The following PDE1A variants were observed in gnomAD, a reference collection of about 807,000 sequenced individuals.
PDE1A encodes the protein phosphodiesterase 1A.
Under a neutral mutation model 61.7 loss-of-function variants are expected in PDE1A, and 35 were observed. The ratio of observed to expected loss-of-function variants is 0.57; its 90% CI spans 0.43 to 0.75. The LOEUF (loss-of-function observed/expected upper bound fraction) is 0.75. PDE1A is among the 30% of genes least tolerant of loss of function. The pLI, the probability that PDE1A is intolerant of heterozygous loss-of-function variation, is 0.00. For missense variants in PDE1A, 597 were observed against 630.6 expected (o/e 0.95, Z 0.57); for synonymous variants, 232 against 213.2 (o/e 1.09, Z -0.77).
intron 11 of PDE1A, among the ~76,000 whole-genome samples, chr2:182,187,618 T>C (rs1166727059): frequency 1.3e-5 from 2 of 152,126 alleles, no homozygotes; most frequent in African/African-American, 4.8e-5. Context: ...TTATAGTATA[T>C]AATAAGGCAC....
At chr2:182,412,392 C>A (rs752407222) in intron 1 of PDE1A, among the ~76,000 whole-genome samples, 1 of 152,134 alleles carries the variant, frequency 6.6e-6, no homozygotes. Flanking sequence ...AAGTGGACCT[C>A]GCTTTGACTC....
chr2:182,344,440 T>A (rs1040343636), intron 1 of PDE1A, among the ~76,000 whole-genome samples: 4 of 152,258 alleles, frequency 2.6e-5, no homozygotes, highest in African/African-American at 9.6e-5. Context: ...AATTATAACA[T>A]AATTTGATTG....
At chr2:182,311,247 C>G (rs181774795) in intron 1 of PDE1A, among the ~76,000 whole-genome samples, 378 of 152,348 alleles carry the variant, frequency 2.5e-3, no homozygotes, top group Non-Finnish European at 4.3e-3. Flanking sequence ...TGAACCTACT[C>G]CAGAAAAACT....
the PDE1A span, among the ~76,000 whole-genome samples, chr2:182,588,416 C>T: frequency 6.6e-6 from 1 of 152,152 alleles, no homozygotes; most frequent in Non-Finnish European, 1.5e-5. Context: ...AATTCTGCTA[C>T]ATTTTAAATT....
chr2:182,328,777 A>T (rs889461449), intron 1 of PDE1A, among the ~76,000 whole-genome samples: 1 of 152,196 alleles, frequency 6.6e-6, no homozygotes, highest in Non-Finnish European at 1.5e-5. Flanking sequence ...ACTTCTAGAG[A>T]CTGTGACAAT....
At chr2:182,643,941 C>T in the PDE1A span, among the ~76,000 whole-genome samples, 2 of 152,030 alleles carry the variant, frequency 1.3e-5, no homozygotes, top group East Asian at 1.9e-4. Flanking sequence ...TTGATTTATA[C>T]AACCAAAATT....
In PDE1A at chr2:182,434,398, T is replaced by TA. The variant is rs571494781; in HGVS notation, c.101+87877dup. Among the ~76,000 whole-genome samples, 399 of 152,212 alleles carry TA rather than the reference T, an allele frequency of 2.6e-3. 2 individuals carry two copies. The highest frequency in any genetic ancestry group is 3.7e-3 in the Non-Finnish European group (253 of 67,990). Reference sequence around the variant, plus strand: ...AGAATACTTGAGACTAGGTAATTTATAAAGAACAGAAACTCATTTCCTCAC... The same window carrying TA: ...AGAATACTTGAGACTAGGTAATTTATAAAAGAACAGAAACTCATTTCCTCAC... On this transcript the variant is annotated intron_variant, in intron 2 of 14. Coordinates refer to the PDE1A transcript ENST00000410103.
At chr2:182,656,210 T>C in the PDE1A span, among the ~76,000 whole-genome samples, 3 of 152,206 alleles carry the variant, frequency 2.0e-5, no homozygotes, top group African/African-American at 4.8e-5. Flanking sequence ...ATCATTCCAC[T>C]GAGCACCAAC....
chr2:182,280,661 A>G (rs1359685243), intron 1 of PDE1A, among the ~76,000 whole-genome samples: 1 of 151,704 alleles, frequency 6.6e-6, no homozygotes, highest in African/African-American at 2.4e-5. Flanking sequence ...TTCTGTTTAC[A>G]TTTTTCAAAA....
At chr2:182,174,180 C>A (rs1007300635) in intron 13 of PDE1A, among the ~76,000 whole-genome samples, 1 of 151,990 alleles carries the variant, frequency 6.6e-6, no homozygotes, top group East Asian at 1.9e-4. Flanking sequence ...TCTCCCTGAG[C>A]AGCTTGTTAT....
At chr2:182,644,328 T>G in the PDE1A span, among the ~76,000 whole-genome samples, 6 of 150,622 alleles carry the variant, frequency 4.0e-5, no homozygotes, top group Admixed American at 3.3e-4. Flanking sequence ...TGTAAAGCCA[T>G]GTATGAAACC....
In PDE1A at chr2:182,192,706, A is replaced by G. The variant is rs541202894; in HGVS notation, c.1126-3646T>C. 5.3e-5 allele frequency among the ~76,000 whole-genome samples: 8 copies of G among 152,264 alleles called. No individual in the cohort carries two copies. The South Asian group carries it at 1.7e-3, about 32-fold the overall frequency. Reference sequence around the variant, plus strand: ...TTTTAAAAATGAGGAGTAAGTAGAAAAACTAGTCCCATAGAAATGGAAACT... The same window carrying G: ...TTTTAAAAATGAGGAGTAAGTAGAAGAACTAGTCCCATAGAAATGGAAACT... On this transcript the variant is annotated intron_variant, in intron 10 of 13. Transcript: ENST00000351439.
At chr2:182,366,801 G>A (rs963423128) in intron 1 of PDE1A, among the ~76,000 whole-genome samples, 2 of 152,004 alleles carry the variant, frequency 1.3e-5, no homozygotes, top group African/African-American at 4.8e-5. Flanking sequence ...GTTCAATTGT[G>A]AAATTGTTTT....
intron 2 of PDE1A, among the ~76,000 whole-genome samples, chr2:182,520,366 T>A (rs1164969248): frequency 1.3e-5 from 2 of 151,944 alleles, no homozygotes; most frequent in Non-Finnish European, 2.9e-5. Flanking sequence ...AGCAGTCATT[T>A]TAGTCAGTTA....
downstream of PDE1A, among the ~76,000 whole-genome samples, chr2:182,143,540 G>C (rs545202114): frequency 1.2e-3 from 181 of 151,810 alleles, no homozygotes; most frequent in Non-Finnish European, 2.3e-3. Flanking sequence ...TTGGTGAGAC[G>C]AGTCTCACTC....
the PDE1A span, among the ~76,000 whole-genome samples, chr2:182,628,182 A>T: frequency 7.9e-5 from 12 of 152,228 alleles, no homozygotes; most frequent in East Asian, 1.6e-3. Context: ...GATTATTGTT[A>T]TCGCTAATTT....
the PDE1A span, among the ~76,000 whole-genome samples, chr2:182,665,626 A>T: frequency 1.3e-5 from 2 of 152,210 alleles, no homozygotes; most frequent in East Asian, 1.9e-4. Flanking sequence ...TGGGAATGTA[A>T]ATTAGTTCAA....
At chr2:182,381,925 T>C (rs1457333203) in intron 1 of PDE1A, among the ~76,000 whole-genome samples, 4 of 152,086 alleles carry the variant, frequency 2.6e-5, no homozygotes, top group Non-Finnish European at 4.4e-5. Context: ...AACATAGTCA[T>C]TGTTTCTGGA....
chr2:182,686,042 G>A, the PDE1A span, among the ~76,000 whole-genome samples: 1 of 152,022 alleles, frequency 6.6e-6, no homozygotes, highest in African/African-American at 2.4e-5. Context: ...TGCTCTTCCA[G>A]AAAAATTGAA....
Sources: gnomAD v4.1 joint callset for allele counts (sites outside exome capture counted in the v4.1 genomes callset) on GRCh38, gnomAD v4.1.1 for gene constraint, MANE v1.5 for transcripts, NCBI Gene and HGNC (gene_info 2026-07-23, HGNC 2026-07-21) for gene names.